AKAP7: variants seen among roughly 807,000 people sequenced by gnomAD.
AKAP7 encodes A kinase (PRKA) anchor protein 7.
Under a neutral mutation model 39.5 loss-of-function variants are expected in AKAP7, and 39 were observed. The ratio of observed to expected loss-of-function variants is 0.99; its 90% confidence interval spans 0.76 to 1.29. The LOEUF is 1.29. Among genes scored for constraint, AKAP7 ranks in the 50% most tolerant of loss-of-function variants. The pLI is 0.00. For synonymous variants in AKAP7, 140 were observed against 139.1 expected, an observed-to-expected ratio of 1.01 and a Z score of -0.05; for missense variants, 414 against 407.7, an observed-to-expected ratio of 1.02 and a Z score of -0.13.
intron 2 of AKAP7, among the ~76,000 whole-genome samples, chr6:131,152,627 A>T (rs1802020713): frequency 6.6e-6 from 1 of 151,838 alleles, no homozygotes; most frequent in Admixed American, 6.6e-5. Context: ...CAGGAGTTGG[A>T]GACCAGCCTG....
the AKAP7 span, among the ~76,000 whole-genome samples, chr6:131,126,251 T>C: frequency 1.3e-5 from 2 of 152,238 alleles, no homozygotes; most frequent in Non-Finnish European, 2.9e-5. Flanking sequence ...GTCTTTTCTT[T>C]CTTGCTTACT....
At chr6:131,279,508 C>A (rs952177335) in intron 7 of AKAP7, among the ~76,000 whole-genome samples, 13 of 152,140 alleles carry the variant, frequency 8.5e-5, no homozygotes, top group African/African-American at 3.1e-4. Context: ...ACCTCGTGAT[C>A]CACCTGCCTC....
chr6:131,281,505 C>A lies in AKAP7; in HGVS notation c.851-25C>A. On this transcript the variant is annotated intron_variant, in intron 7 of 7. Coordinates refer to ENST00000431975, the MANE Select transcript of AKAP7 (RefSeq NM_016377.4). The surrounding 1 kb of genome is among the most constrained non-coding windows in gnomAD (Gnocchi z 4.0). ...TCTATGGCAATGTGATCTCAGTGAC[C>A]TCTCTTCTCTATTGTGGAATGTAGG... 1 of 1,543,630 alleles carries A rather than the reference C, an allele frequency of 6.5e-7. No homozygotes were observed. The highest frequency in any genetic ancestry group is 8.8e-7 in the Non-Finnish European group (1 of 1,142,004).
chr6:131,142,343 A>G (rs545405485), intron 1 of AKAP7, among the ~76,000 whole-genome samples: 5 of 152,344 alleles, frequency 3.3e-5, no homozygotes, highest in Admixed American at 2.0e-4. Context: ...GCATGCTGCC[A>G]TGTGCAGCCT....
At chr6:131,214,472 A>G (rs921208681) in intron 6 of AKAP7, among the ~76,000 whole-genome samples, 9 of 152,234 alleles carry the variant, frequency 5.9e-5, no homozygotes, top group African/African-American at 2.2e-4. Context: ...TTAAGAATTG[A>G]GAAATATTAC....
intron 2 of AKAP7, among the ~76,000 whole-genome samples, chr6:131,147,354 C>T (rs1018119298): frequency 2.6e-5 from 4 of 152,290 alleles, no homozygotes; most frequent in African/African-American, 4.8e-5. Flanking sequence ...GAACTTAAAA[C>T]GATTAAGTCT....
chr6:131,135,959 A>G (rs894188077), intron 1 of AKAP7, among the ~76,000 whole-genome samples, 177 bp downstream of exon 1: 1 of 152,080 alleles, frequency 6.6e-6, no homozygotes, highest in Non-Finnish European at 1.5e-5. Context: ...CGGGGTGTAC[A>G]TCAGTGCTGC....
intron 5 of AKAP7, among the ~76,000 whole-genome samples, chr6:131,195,971 G>A (rs946797295): frequency 6.6e-6 from 1 of 152,018 alleles, no homozygotes; most frequent in Non-Finnish European, 1.5e-5. Context: ...TCTTGTACTT[G>A]AATATTGACG....
chr6:131,185,079 A>C (rs1404696986), intron 5 of AKAP7: 4 of 691,840 alleles, frequency 5.8e-6, no homozygotes, highest in Non-Finnish European at 1.1e-5. Context: ...GTCATCATCA[A>C]CTCGGGGATC....
chr6:131,251,074 A>G (rs1008857217), intron 7 of AKAP7, among the ~76,000 whole-genome samples: 4 of 152,196 alleles, frequency 2.6e-5, no homozygotes, highest in African/African-American at 9.7e-5. Context: ...ACTTGCAGAT[A>G]TTTTCATGTG....
intron 7 of AKAP7, among the ~76,000 whole-genome samples, chr6:131,220,378 G>C (rs1266331444): frequency 6.6e-6 from 1 of 152,182 alleles, no homozygotes; most frequent in Non-Finnish European, 1.5e-5. Context: ...TGGAAAGTGT[G>C]TACACTTAGG....
intron 7 of AKAP7, among the ~76,000 whole-genome samples, chr6:131,227,474 G>A (rs1810270654): frequency 1.3e-5 from 2 of 152,198 alleles, no homozygotes; most frequent in Non-Finnish European, 2.9e-5. Flanking sequence ...AAAAGAGAAT[G>A]ATGTTGTGCT....
chr6:131,133,412 CAAG>C (rs1471523156), upstream of AKAP7, among the ~76,000 whole-genome samples: 2 of 152,198 alleles, frequency 1.3e-5, no homozygotes, highest in Non-Finnish European at 1.5e-5. Context: ...CTTTTTGGCA[CAAG>C]AAGATGTCCA....
chr6:131,144,199 T>C (rs1015911595), intron 1 of AKAP7, among the ~76,000 whole-genome samples: 32 of 148,988 alleles, frequency 2.1e-4, no homozygotes, highest in Non-Finnish European at 2.1e-4. Flanking sequence ...ATTTCTCAAT[T>C]TTTTCCCCAC....
At chr6:131,167,947 A>G (rs1233964223) in intron 4 of AKAP7, among the ~76,000 whole-genome samples, 1 of 152,186 alleles carries the variant, frequency 6.6e-6, no homozygotes, top group Non-Finnish European at 1.5e-5. Flanking sequence ...AAAGCCCTGT[A>G]TGAATGTGCT....
At chr6:131,249,060 T>G (rs1812244088) in intron 7 of AKAP7, among the ~76,000 whole-genome samples, 2 of 152,192 alleles carry the variant, frequency 1.3e-5, no homozygotes, top group Admixed American at 1.3e-4. Context: ...TCTGAAAAAG[T>G]GAAAGCAATT....
intron 3 of AKAP7, chr6:131,164,255 C>G (rs1326189943): frequency 9.6e-6 from 4 of 417,750 alleles, no homozygotes; most frequent in Non-Finnish European, 1.9e-5. Context: ...TCTCTGTGCT[C>G]TCTTTTCTCT....
rs147902593 is a variant in AKAP7 at position 131,204,415 on chromosome 6, C to A, written c.702+4842C>A. ...ATACTCTTTAGTATATAAAATCTAT[C>A]CTATAAAATGTATACTGTAATTAAA... On this transcript the variant is annotated intron_variant, in intron 6 of 7. Coordinates refer to ENST00000431975, the MANE Select transcript of AKAP7 (RefSeq NM_016377.4). Among the ~76,000 whole-genome samples, 1,094 of 152,188 alleles carry A rather than the reference C, an allele frequency of 7.2e-3. 9 individuals are homozygous for A. The highest frequency in any genetic ancestry group is 0.025 in the African/African-American group (1,052 of 41,524).
intron 7 of AKAP7, among the ~76,000 whole-genome samples, chr6:131,235,356 C>T (rs555116760): frequency 3.9e-5 from 6 of 152,204 alleles, no homozygotes; most frequent in East Asian, 3.9e-4. Flanking sequence ...TGAATAGTGC[C>T]GCAATAAACA....
Sources: allele counts gnomAD v4.1 joint callset (sites outside exome capture counted in the v4.1 genomes callset), GRCh38; gene constraint gnomAD v4.1.1; non-coding constraint Gnocchi (gnomAD v3.1); transcripts MANE v1.5; gene names NCBI Gene and HGNC (gene_info 2026-07-23, HGNC 2026-07-21).